The following ECT2L variants were observed in gnomAD, a reference collection of about 807,000 sequenced individuals.
The protein encoded by ECT2L is epithelial cell-transforming sequence 2 oncogene-like.
In ECT2L, 126 loss-of-function variants were observed where a neutral mutation model predicts 122.8. The observed-to-expected ratio is 1.03, with a 90% CI of 0.89 to 1.19. The LOEUF is 1.19. ECT2L is among the 50% of genes most tolerant of loss of function. The pLI is 0.00. For missense variants in ECT2L, 1,012 were observed against 1,064.1 expected (o/e 0.95, Z 0.68); for synonymous variants, 385 against 381.8 (o/e 1.01, Z -0.10).
intron 1 of ECT2L, among the ~76,000 whole-genome samples, chr6:138,812,631 C>T (rs1443157952): frequency 1.3e-5 from 2 of 152,042 alleles, no homozygotes; most frequent in Non-Finnish European, 2.9e-5. Flanking sequence ...ATGGTGAAAC[C>T]TTGTCTCTAT....
intron 4 of ECT2L, among the ~76,000 whole-genome samples, chr6:138,817,426 T>C (rs1405669360): frequency 6.6e-6 from 1 of 152,224 alleles, no homozygotes; most frequent in African/African-American, 2.4e-5. Flanking sequence ...AAGAAATTAG[T>C]ATTATTTGAA....
At chr6:138,856,021 A>C (rs1582620172) in intron 10 of ECT2L, among the ~76,000 whole-genome samples, 1 of 152,184 alleles carries the variant, frequency 6.6e-6, no homozygotes, top group Admixed American at 6.5e-5. Context: ...ATTCTCATCA[A>C]ATGTAATATC....
chr6:138,855,810 C>T (rs1243012103), intron 10 of ECT2L, among the ~76,000 whole-genome samples: 1 of 152,082 alleles, frequency 6.6e-6, no homozygotes, highest in Non-Finnish European at 1.5e-5. Context: ...TCTCAATTTC[C>T]TGTAATGAAC....
chr6:138,899,196 A>C (rs1419149156), intron 20 of ECT2L, among the ~76,000 whole-genome samples: 1 of 152,146 alleles, frequency 6.6e-6, no homozygotes, highest in Non-Finnish European at 1.5e-5. Flanking sequence ...GAAAAAAAGG[A>C]GGGGACCCAA....
At chr6:138,806,134 T>C (rs1354682872) in intron 1 of ECT2L, among the ~76,000 whole-genome samples, 2 of 152,232 alleles carry the variant, frequency 1.3e-5, no homozygotes, top group Admixed American at 1.3e-4. Flanking sequence ...TCCTTGTTCA[T>C]AACTCCTCTC....
At chr6:138,843,559 T>C (rs1352774709) in intron 6 of ECT2L, among the ~76,000 whole-genome samples, 2 of 151,960 alleles carry the variant, frequency 1.3e-5, no homozygotes, top group African/African-American at 2.4e-5. Flanking sequence ...AACAGAGGAA[T>C]TGGGAGTGAT....
chr6:138,887,543 T>A (rs1226912262), intron 19 of ECT2L, among the ~76,000 whole-genome samples: 1 of 152,164 alleles, frequency 6.6e-6, no homozygotes, highest in Non-Finnish European at 1.5e-5. Context: ...TTGTTTTCTA[T>A]CTCCCTGCAT....
intron 12 of ECT2L, 46 bp from the exon 13 acceptor site, chr6:138,868,057 T>C (rs1175216352): frequency 3.3e-6 from 4 of 1,220,738 alleles, no homozygotes; most frequent in Non-Finnish European, 4.6e-6. Flanking sequence ...TTAAATCACA[T>C]TTCTTACATA....
At chr6:138,879,641 T>C (rs576978877) in intron 14 of ECT2L, among the ~76,000 whole-genome samples, 3 of 152,174 alleles carry the variant, frequency 2.0e-5, no homozygotes, top group Non-Finnish European at 2.9e-5. Context: ...CAGTGTATGA[T>C]TTTCACCTCT....
chr6:138,866,381 G>T (rs1288233888), intron 12 of ECT2L, among the ~76,000 whole-genome samples: 1 of 152,084 alleles, frequency 6.6e-6, no homozygotes. Context: ...CTCCCAAGTA[G>T]CTGGGATTAC....
chr6:138,866,378 G>A (rs962918060), intron 12 of ECT2L, among the ~76,000 whole-genome samples: 5 of 152,150 alleles, frequency 3.3e-5, no homozygotes, highest in African/African-American at 9.6e-5. Flanking sequence ...GGCCTCCCAA[G>A]TAGCTGGGAT....
chr6:138,802,020 T>TA (rs1468121261), intron 1 of ECT2L, among the ~76,000 whole-genome samples: 1 of 152,362 alleles, frequency 6.6e-6, no homozygotes, highest in East Asian at 1.9e-4. Flanking sequence ...CTTCTGAGGT[T>TA]ACGCCACACA....
chr6:138,858,104 A>G (rs1777685692), intron 10 of ECT2L, among the ~76,000 whole-genome samples: 1 of 152,210 alleles, frequency 6.6e-6, no homozygotes, highest in African/African-American at 2.4e-5. Context: ...GAGGATTATT[A>G]CAATTCAAGA....
chr6:138,884,038 G>GT (rs1778728894), intron 16 of ECT2L, among the ~76,000 whole-genome samples: 1 of 152,002 alleles, frequency 6.6e-6, no homozygotes, highest in Non-Finnish European at 1.5e-5. Context: ...TAATTTTTTT[G>GT]TATTTTTTGT....
At chr6:138,842,347 G>C (rs184531895) in intron 5 of ECT2L, among the ~76,000 whole-genome samples, 513 of 152,268 alleles carry the variant, frequency 3.4e-3, no homozygotes, top group Non-Finnish European at 5.6e-3. Flanking sequence ...TGTAATCCCA[G>C]CTACTCAGGA....
intron 4 of ECT2L, among the ~76,000 whole-genome samples, chr6:138,832,424 T>C (rs1776677720): frequency 6.6e-6 from 1 of 152,174 alleles, no homozygotes; most frequent in African/African-American, 2.4e-5. Flanking sequence ...CATGGGATGG[T>C]TCACATATGT....
At chr6:138,876,662 TG>T in intron 14 of ECT2L, 104 bp downstream of exon 14, 1 of 658,510 alleles carries the variant, frequency 1.5e-6, no homozygotes, top group Non-Finnish European at 2.3e-6. Context: ...AATTTCCCTT[TG>T]GGGGATTAAA....
chr6:138,796,436 A>G (rs904411099), intron 1 of ECT2L, among the ~76,000 whole-genome samples: 2 of 152,224 alleles, frequency 1.3e-5, no homozygotes, highest in Non-Finnish European at 2.9e-5. Context: ...GGGCCATGCC[A>G]AGTAAACTCT....
chr6:138,897,754 A>T (rs1779265868), intron 20 of ECT2L, among the ~76,000 whole-genome samples: 1 of 152,164 alleles, frequency 6.6e-6, no homozygotes, highest in Non-Finnish European at 1.5e-5. Flanking sequence ...GGATTACGAA[A>T]GGCTCAATTC....
Sources: allele counts gnomAD v4.1 joint callset (sites outside exome capture counted in the v4.1 genomes callset), GRCh38; gene constraint gnomAD v4.1.1; transcripts MANE v1.5; gene names NCBI Gene and HGNC (gene_info 2026-07-23, HGNC 2026-07-21).